STXBP4: variants seen among roughly 807,000 people sequenced by gnomAD.
The protein encoded by STXBP4 is syntaxin-binding protein 4.
STXBP4 carries 55 observed loss-of-function variants against 76.1 expected under a neutral mutation model. The ratio of observed to expected loss-of-function variants is 0.72; its 90% CI spans 0.58 to 0.91. STXBP4 has a LOEUF of 0.91. STXBP4 is among the 40% of genes least tolerant of loss of function. STXBP4 has a pLI of 0.00. For missense variants in STXBP4, 618 were observed against 636.9 expected, an observed-to-expected ratio of 0.97 and a Z score of 0.32; for synonymous variants, 201 against 220.2, an observed-to-expected ratio of 0.91 and a Z score of 0.77.
In STXBP4 at chr17:55,007,547, A is replaced by G; in HGVS notation, c.616A>G (p.Lys206Glu). The change falls in exon 8 of 18, where the codon AAG becomes GAG. Residue 206 changes from lysine to glutamate, a missense_variant. Transcript: ENST00000376352. ...GACTGAAAATTATGGGCTACAAGAA[A>G]AGATCTCCCTAAATCCCTCTGTTCG... Reference protein sequence around the residue: ...AWTENYGLQEKISLNPSVRFK... With the variant: ...AWTENYGLQEEISLNPSVRFK... The G allele has an allele frequency of 6.2e-7, 1 of 1,611,612 alleles. No individual in the cohort carries two copies. Among genetic ancestry groups the G allele is most frequent in the Non-Finnish European group, 8.5e-7 (1 of 1,179,378 alleles).
intron 8 of STXBP4, among the ~76,000 whole-genome samples, chr17:55,025,240 T>G (rs569860019): frequency 3.9e-5 from 6 of 152,126 alleles, no homozygotes; most frequent in Non-Finnish European, 5.9e-5. Flanking sequence ...CTATGAATAA[T>G]TATATGCCAT....
At chr17:55,111,847 T>C (rs1260750226) in intron 16 of STXBP4, among the ~76,000 whole-genome samples, 1 of 152,198 alleles carries the variant, frequency 6.6e-6, no homozygotes, top group East Asian at 1.9e-4. Flanking sequence ...CTGCCTGGAA[T>C]GGTATTCCTT....
At chr17:55,192,446 G>C in the STXBP4 span, among the ~76,000 whole-genome samples, 1 of 152,140 alleles carries the variant, frequency 6.6e-6, no homozygotes, top group Non-Finnish European at 1.5e-5. Flanking sequence ...TTTGAAAGTT[G>C]TTCTTCCTAA....
intron 8 of STXBP4, among the ~76,000 whole-genome samples, 192 bp downstream of exon 8, chr17:55,007,789 T>C (rs2078035909): frequency 6.6e-6 from 1 of 152,196 alleles, no homozygotes; most frequent in Non-Finnish European, 1.5e-5. Context: ...GGTTCACTAG[T>C]ACAAAATAGA....
intron 1 of STXBP4, among the ~76,000 whole-genome samples, chr17:54,970,418 GTAAT>G (rs1175821184): frequency 6.6e-6 from 1 of 152,198 alleles, no homozygotes; most frequent in African/African-American, 2.4e-5. Context: ...CCTTGAGTGA[GTAAT>G]TGATTAACTT....
At chr17:55,123,510 G>A (rs574137618) in intron 16 of STXBP4, among the ~76,000 whole-genome samples, 65 of 152,236 alleles carry the variant, frequency 4.3e-4, no homozygotes, top group Non-Finnish European at 5.9e-4. Flanking sequence ...AGATAAAAGA[G>A]TTGCAATGTA....
chr17:55,176,065 T>G (rs886988428), downstream of STXBP4, among the ~76,000 whole-genome samples: 1 of 152,134 alleles, frequency 6.6e-6, no homozygotes, highest in Admixed American at 6.5e-5. Flanking sequence ...GAAAGATGAG[T>G]ATGGGTGAGT....
At chr17:55,202,288 A>G in the STXBP4 span, among the ~76,000 whole-genome samples, 17 of 152,056 alleles carry the variant, frequency 1.1e-4, no homozygotes, top group Admixed American at 1.1e-3. Flanking sequence ...TCTCACCCCC[A>G]GGTCTGATCC....
At chr17:55,177,351 C>G (rs1416164365), downstream of STXBP4, among the ~76,000 whole-genome samples, 1 of 152,188 alleles carries the variant, frequency 6.6e-6, no homozygotes, top group African/African-American at 2.4e-5. Context: ...GCCTAGCGCC[C>G]TCACCTGTTC....
At chr17:54,992,408 C>G (rs543925810) in intron 4 of STXBP4, among the ~76,000 whole-genome samples, 219 of 147,616 alleles carry the variant, frequency 1.5e-3, no homozygotes, top group Middle Eastern at 3.5e-3. Context: ...GAACAAGACC[C>G]TGTCTCAAAA....
intron 16 of STXBP4, among the ~76,000 whole-genome samples, chr17:55,137,273 T>C (rs2787474): frequency 0.64 from 92,435 of 145,446 alleles, 30,275 homozygotes; most frequent in African/African-American, 0.79. Context: ...CACCTCCATG[T>C]TCCCTCCCTC....
chr17:55,056,195 ATATTT>A (rs1179893564), intron 12 of STXBP4, among the ~76,000 whole-genome samples: 1 of 152,168 alleles, frequency 6.6e-6, no homozygotes, highest in African/African-American at 2.4e-5. Context: ...TAATTTTAAT[ATATTT>A]TATTTAGTTG....
intron 8 of STXBP4, among the ~76,000 whole-genome samples, chr17:55,025,053 A>G (rs1371352318): frequency 6.6e-6 from 1 of 152,120 alleles, no homozygotes; most frequent in African/African-American, 2.4e-5. Context: ...AGGCAGGAGA[A>G]TGGCATGAAC....
At chr17:55,124,716 A>G (rs1567772981) in intron 16 of STXBP4, among the ~76,000 whole-genome samples, 1 of 152,254 alleles carries the variant, frequency 6.6e-6, no homozygotes, top group Non-Finnish European at 1.5e-5. Context: ...CCATAACAAA[A>G]TATCACAGCC....
rs1466855252 is a variant in STXBP4 at position 55,164,241 on chromosome 17, A to G, written c.*4330A>G. The G allele has an allele frequency of 6.6e-6, 1 of 152,172 alleles. No homozygotes were observed. The highest frequency in any genetic ancestry group is 2.4e-5 in the African/African-American group (1 of 41,444). 9.4% of individuals were successfully genotyped at this position (152,172 alleles called of 1,614,324 possible). A position where few individuals can be genotyped will look rare whatever the true frequency, so the allele number is the denominator to read the frequency against. ...AATGACTTTGTAAATATTAACTGCA[A>G]TTCTGTATTTGCTTTCTTGATATGA... On this transcript the variant is annotated 3_prime_UTR_variant, in exon 18 of 18. Coordinates refer to ENST00000376352, the MANE Select transcript of STXBP4 (RefSeq NM_178509.6).
chr17:54,969,390 G>C (rs1482448242), intron 1 of STXBP4, among the ~76,000 whole-genome samples: 2 of 152,204 alleles, frequency 1.3e-5, no homozygotes, highest in Admixed American at 6.5e-5. Flanking sequence ...ATTTTACTGT[G>C]TTAGAAGGAA....
intron 1 of STXBP4, among the ~76,000 whole-genome samples, chr17:54,976,020 C>G (rs990673364): frequency 1.3e-5 from 2 of 151,982 alleles, no homozygotes; most frequent in Non-Finnish European, 2.9e-5. Flanking sequence ...TATTGTTTTT[C>G]TCCCACCACT....
intron 7 of STXBP4, among the ~76,000 whole-genome samples, chr17:55,001,445 T>G (rs2077913671): frequency 6.6e-6 from 1 of 152,136 alleles, no homozygotes; most frequent in Admixed American, 6.5e-5. Flanking sequence ...ATAAAGATTT[T>G]TATGTGGCTA....
chr17:55,053,499 TTCTC>T (rs1417417975), intron 12 of STXBP4, among the ~76,000 whole-genome samples: 3 of 152,174 alleles, frequency 2.0e-5, no homozygotes, highest in African/African-American at 7.2e-5. Flanking sequence ...AATATATTGT[TTCTC>T]ACTCATGAAC....
Sources: allele counts gnomAD v4.1 joint callset (sites outside exome capture counted in the v4.1 genomes callset), GRCh38; gene constraint gnomAD v4.1.1; transcripts MANE v1.5; gene names NCBI Gene and HGNC (gene_info 2026-07-23, HGNC 2026-07-21).